The following ARMH3 variants were observed in gnomAD, a reference collection of about 807,000 sequenced individuals.
The protein encoded by ARMH3 is armadillo like helical domain containing 3, also known as armadillo-like helical domain-containing protein 3.
In ARMH3, 60 loss-of-function variants were observed where a neutral mutation model predicts 99.1. The observed-to-expected ratio is 0.61, with a 90% CI of 0.49 to 0.75. The LOEUF (loss-of-function observed/expected upper bound fraction) is 0.75. Ranked by LOEUF, ARMH3 falls within the 30% of genes least tolerant of loss-of-function variation. The probability of loss-of-function intolerance (pLI) is 0.00; values close to 1 mark genes in which losing one functional copy is unlikely to be tolerated. For synonymous variants in ARMH3, 285 were observed against 292.8 expected (o/e 0.97, Z 0.27); for missense variants, 679 against 843.1 (o/e 0.81, Z 2.41).
At position 101,956,557 on chromosome 10, in the gene ARMH3, C is replaced by A. The variant is rs897132965; in HGVS notation, c.1705+40G>T. On this transcript the variant is annotated intron_variant, in intron 22 of 25. Coordinates refer to ENST00000370033, the MANE Select transcript of ARMH3 (RefSeq NM_024541.3). ...TTCCTCTTATATGCCAAAAGCTAGA[C>A]AAATGGTGGAGAGAGGAGTAAAAAG... 5.0e-6 allele frequency: 8 copies of A among 1,603,166 alleles called. No homozygotes were observed. In the Middle Eastern group the frequency reaches 5.0e-4, roughly 100 times the overall value.
At chr10:101,949,429 T>TA (rs1004658604) in intron 22 of ARMH3, among the ~76,000 whole-genome samples, 1 of 150,900 alleles carries the variant, frequency 6.6e-6, no homozygotes, top group Non-Finnish European at 1.5e-5. Context: ...CTACAGACAT[T>TA]AAAAATGAAT....
chr10:101,964,874 ATGG>A (rs1245725709), intron 20 of ARMH3, among the ~76,000 whole-genome samples: 1 of 151,614 alleles, frequency 6.6e-6, no homozygotes, highest in Non-Finnish European at 1.5e-5. Context: ...TTAGCCTGGC[ATGG>A]TGGTACACAC....
At chr10:101,918,345 C>G (rs1032462218) in intron 23 of ARMH3, among the ~76,000 whole-genome samples, 1 of 152,132 alleles carries the variant, frequency 6.6e-6, no homozygotes, top group Non-Finnish European at 1.5e-5. Context: ...TAAGCCACTG[C>G]GCCTGGCCAT....
In ARMH3 at chr10:102,033,188, A is replaced by G. The variant is rs375354224; in HGVS notation, c.160-16T>C. On this transcript the variant is annotated splice_polypyrimidine_tract_variant and intron_variant, in intron 3 of 25. Coordinates refer to ENST00000370033, the MANE Select transcript of ARMH3 (RefSeq NM_024541.3). Reference sequence around the variant, plus strand: ...CTAAATTCACCTGCCAAGGAAACAAATAAGGGGCAGAGTGCATTTTTAGCT... The same window carrying G: ...CTAAATTCACCTGCCAAGGAAACAAGTAAGGGGCAGAGTGCATTTTTAGCT... 4.3e-6 allele frequency: 7 copies of G among 1,614,002 alleles called. No individual in the cohort carries two copies. In the African/African-American group the frequency reaches 6.7e-5, roughly 15 times the overall value.
At chr10:101,917,978 TCTC>T (rs1350938136) in intron 23 of ARMH3, among the ~76,000 whole-genome samples, 1 of 152,200 alleles carries the variant, frequency 6.6e-6, no homozygotes, top group Non-Finnish European at 1.5e-5. Context: ...AACAGCTTCT[TCTC>T]TGTGTTCTTA....
At chr10:101,946,071 C>CAAAAAAAAAAAAAAAAAAAAAAAA (rs569179050) in intron 22 of ARMH3, among the ~76,000 whole-genome samples, 3 of 34,486 alleles carry the variant, frequency 8.7e-5, no homozygotes, top group South Asian at 1.6e-3. Flanking sequence ...GACTCTGCCT[C>CAAAAAAAAAAAAAAAAAAAAAAAA]AAAAAAAAAA....
chr10:101,898,139 C>A (rs2067884838), intron 23 of ARMH3, among the ~76,000 whole-genome samples: 2 of 151,214 alleles, frequency 1.3e-5, no homozygotes, highest in East Asian at 3.9e-4. Context: ...CAGCACTTTG[C>A]GAGGCTGAAG....
chr10:102,033,730 A>G (rs1016492164), intron 2 of ARMH3, among the ~76,000 whole-genome samples: 18 of 152,130 alleles, frequency 1.2e-4, no homozygotes, highest in African/African-American at 4.3e-4. Flanking sequence ...TTAGTTTTCA[A>G]AATTAACTTT....
At chr10:101,904,960 A>AT (rs1313715239) in intron 23 of ARMH3, among the ~76,000 whole-genome samples, 1 of 151,782 alleles carries the variant, frequency 6.6e-6, no homozygotes, top group African/African-American at 2.4e-5. Context: ...CAAAAAAAAA[A>AT]AAAAAAGAAA....
At position 102,014,041 on chromosome 10, in the gene ARMH3, G is replaced by T. The variant is rs1564849490; in HGVS notation, c.670-17C>A. On this transcript the variant is annotated splice_polypyrimidine_tract_variant and intron_variant, in intron 8 of 25. Transcript: ENST00000370033. ...ATTCACAGACTGTTAAATAAGAGAA[G>T]AGACTCCAGGTAAGTCTGACCTAGT... is the stretch of plus-strand genomic sequence containing the variant. 1 of 1,597,694 alleles carries T rather than the reference G, an allele frequency of 6.3e-7. No homozygotes were observed. Among genetic ancestry groups the T allele is most frequent in the Admixed American group, 1.8e-5 (1 of 56,926 alleles).
intron 5 of ARMH3, among the ~76,000 whole-genome samples, chr10:102,026,479 C>A (rs967732419): frequency 1.3e-5 from 2 of 152,106 alleles, no homozygotes; most frequent in African/African-American, 4.8e-5. Flanking sequence ...GTCACCTATT[C>A]CAAGACCCCT....
At chr10:102,039,923 T>C in intron 2 of ARMH3, 90 bp downstream of exon 2, 2 of 1,246,784 alleles carry the variant, frequency 1.6e-6, no homozygotes, top group Admixed American at 1.8e-5. Context: ...CCAAGGAACC[T>C]GAAGGTAGCA....
chr10:102,006,145 C>A (rs1441955202), intron 14 of ARMH3, among the ~76,000 whole-genome samples: 1 of 152,180 alleles, frequency 6.6e-6, no homozygotes, highest in Non-Finnish European at 1.5e-5. Context: ...CAAATGGTAA[C>A]ATCAGATAAC....
At chr10:101,877,243 C>T (rs2067291704) in intron 24 of ARMH3, among the ~76,000 whole-genome samples, 1 of 152,048 alleles carries the variant, frequency 6.6e-6, no homozygotes, top group African/African-American at 2.4e-5. Flanking sequence ...CTCGAGGTTG[C>T]AGTGAGCTAT....
chr10:101,940,051 G>T, intron 22 of ARMH3, 113 bp from the exon 23 acceptor site: 2 of 734,266 alleles, frequency 2.7e-6, no homozygotes, highest in Non-Finnish European at 2.2e-6. Flanking sequence ...CAAAGCCTGC[G>T]CCAATCTTCT....
chr10:101,858,425 T>C (rs560046900), intron 24 of ARMH3, among the ~76,000 whole-genome samples: 2 of 152,258 alleles, frequency 1.3e-5, no homozygotes, highest in East Asian at 1.9e-4. Flanking sequence ...AATAAGACAA[T>C]GTATTGAAAG....
At chr10:101,907,065 C>T (rs933254684) in intron 23 of ARMH3, among the ~76,000 whole-genome samples, 3 of 152,116 alleles carry the variant, frequency 2.0e-5, no homozygotes, top group East Asian at 1.9e-4. Flanking sequence ...AAGACAGTTT[C>T]GTAACACTAG....
chr10:101,865,953 G>A, intron 24 of ARMH3, among the ~76,000 whole-genome samples: 1 of 150,662 alleles, frequency 6.6e-6, no homozygotes, highest in East Asian at 2.0e-4. Context: ...GGGTGCGGTG[G>A]CTCACGCCTG....
chr10:101,970,070 A>G (rs1845702114), intron 20 of ARMH3, among the ~76,000 whole-genome samples: 1 of 152,152 alleles, frequency 6.6e-6, no homozygotes. Flanking sequence ...TGCCTCTCCA[A>G]TGCCCCTTCT....
Sources: gnomAD v4.1 joint callset for allele counts (sites outside exome capture counted in the v4.1 genomes callset) on GRCh38, gnomAD v4.1.1 for gene constraint, MANE v1.5 for transcripts, NCBI Gene and HGNC (gene_info 2026-07-23, HGNC 2026-07-21) for gene names.